The following SLC23A2 variants were observed in gnomAD, a reference collection of about 807,000 sequenced individuals.
SLC23A2 encodes Na(+)/L-ascorbic acid transporter 2.
A neutral mutation model predicts 73.3 loss-of-function variants in SLC23A2; 36 were observed. The observed-to-expected ratio is 0.49, with a 90% CI of 0.38 to 0.65. The LOEUF is 0.65. Ranked by LOEUF, SLC23A2 falls within the 30% of genes least tolerant of loss-of-function variation. The pLI, the probability that SLC23A2 is intolerant of heterozygous loss-of-function variation, is 0.00. For missense variants in SLC23A2, 507 were observed against 841.6 expected (o/e 0.60, Z 4.92); for synonymous variants, 343 against 327.3 (o/e 1.05, Z -0.52).
intron 6 of SLC23A2, among the ~76,000 whole-genome samples, chr20:4,897,813 G>A (rs151054102): frequency 3.3e-5 from 5 of 152,244 alleles, no homozygotes; most frequent in Admixed American, 6.5e-5. Flanking sequence ...AGCTGCACAC[G>A]GTACACACTT....
Position 4,926,186 on chromosome 20 carries a change from G to A in SLC23A2, c.108+6269C>T, listed in dbSNP as rs376767427. On this transcript the variant is annotated intron_variant, in intron 3 of 16. Coordinates refer to ENST00000338244, the MANE Select transcript of SLC23A2 (RefSeq NM_005116.6). ...AAGACTAAACCTCATAAAGTTACTC[G>A]TCGGTCCATGCCGCTAATATCTCCA... 1.3e-4 allele frequency among the ~76,000 whole-genome samples: 19 copies of A among 150,532 alleles called. No homozygotes were observed. The East Asian group carries it at 1.3e-3, about 11-fold the overall frequency.
intron 2 of SLC23A2, among the ~76,000 whole-genome samples, chr20:4,953,341 AG>A (rs2087232994): frequency 6.6e-6 from 1 of 152,050 alleles, no homozygotes; most frequent in African/African-American, 2.4e-5. Context: ...AAATAAAAAA[AG>A]AAATGTAATT....
chr20:4,999,435 C>T (rs1368958028), intron 1 of SLC23A2, among the ~76,000 whole-genome samples: 2 of 152,146 alleles, frequency 1.3e-5, no homozygotes, highest in Non-Finnish European at 2.9e-5. Flanking sequence ...TTCTGCAATG[C>T]TACATAGACT....
chr20:4,912,295 C>T (rs1481408332), intron 4 of SLC23A2, among the ~76,000 whole-genome samples: 2 of 152,024 alleles, frequency 1.3e-5, no homozygotes, highest in African/African-American at 2.4e-5. Context: ...TCCATTGGCA[C>T]ACTAAGGTGC....
intron 5 of SLC23A2, among the ~76,000 whole-genome samples, chr20:4,900,815 CCT>C (rs1223671242): frequency 3.9e-5 from 6 of 152,298 alleles, no homozygotes; most frequent in African/African-American, 1.4e-4. Context: ...CCTCCCTTCC[CCT>C]GTTGACCAGT....
rs149699301 is a variant in SLC23A2, at chr20:4,915,357, A to G, written c.109-2379T>C. ...CTTTTTTAAAAATGGATAATTTAAAAAAAAAGACATACTCCAAAATGCTAA... is the reference window on the plus strand; with the variant it reads ...CTTTTTTAAAAATGGATAATTTAAAGAAAAAGACATACTCCAAAATGCTAA... On this transcript the variant is annotated intron_variant, in intron 3 of 16. Transcript: ENST00000338244. 8.7e-3 allele frequency among the ~76,000 whole-genome samples: 1,329 copies of G among 152,334 alleles called. 16 individuals carry two copies. Among genetic ancestry groups the G allele is most frequent in the African/African-American group, 0.03 (1,231 of 41,576 alleles).
intron 1 of SLC23A2, among the ~76,000 whole-genome samples, chr20:4,987,137 A>G (rs1249376252): frequency 2.6e-5 from 4 of 152,138 alleles, no homozygotes; most frequent in Admixed American, 2.6e-4. Flanking sequence ...GCAAGTGCAA[A>G]AAGAACTCAA....
intron 2 of SLC23A2, among the ~76,000 whole-genome samples, chr20:4,943,918 CACGAG>C (rs2087080161): frequency 6.6e-6 from 1 of 152,090 alleles, no homozygotes; most frequent in Non-Finnish European, 1.5e-5. Context: ...AGCAGCCAGA[CACGAG>C]ACATGCAGTC....
At chr20:4,982,494 G>A (rs928080159) in intron 1 of SLC23A2, among the ~76,000 whole-genome samples, 1 of 151,978 alleles carries the variant, frequency 6.6e-6, no homozygotes, top group African/African-American at 2.4e-5. Flanking sequence ...CTGCCTTTTT[G>A]GCAAAAATTG....
At position 4,853,469 on chromosome 20, in the gene SLC23A2, T is replaced by C. The variant is rs1929600186; in HGVS notation, c.*3503A>G. The C allele has an allele frequency of 6.6e-6, 1 of 152,612 alleles. No homozygotes were observed. Among genetic ancestry groups the C allele is most frequent in the Non-Finnish European group, 1.5e-5 (1 of 68,030 alleles). 9.5% of individuals were successfully genotyped at this position (152,612 alleles called of 1,614,324 possible). A position where few individuals can be genotyped will look rare whatever the true frequency, so the allele number is the denominator to read the frequency against. ...ATGAAAGAAATAACAACTTAGCTCATGGTCATAAAATATACGTATGGGTAA... is the reference window on the plus strand; with the variant it reads ...ATGAAAGAAATAACAACTTAGCTCACGGTCATAAAATATACGTATGGGTAA... On this transcript the variant is annotated 3_prime_UTR_variant, in exon 17 of 17. Coordinates refer to ENST00000338244, the MANE Select transcript of SLC23A2 (RefSeq NM_005116.6).
In SLC23A2 at chr20:4,879,574, T is replaced by G. The variant is rs1326335090; in HGVS notation, c.824+4068A>C. Among the ~76,000 whole-genome samples the G allele has an allele frequency of 2.0e-5, 3 of 151,830 alleles. No homozygotes were observed. In the East Asian group the frequency reaches 5.8e-4, roughly 29 times the overall value. ...ATCTACCCTGTAGTCCCAGGTACTC[T>G]TGGGAGGCTGACGAATGAGAATCGC... On this transcript the variant is annotated intron_variant, in intron 9 of 16. Transcript: ENST00000338244.
At chr20:4,884,016 A>C (rs1357458091) in intron 8 of SLC23A2, among the ~76,000 whole-genome samples, 193 bp from the exon 9 acceptor site, 2 of 152,220 alleles carry the variant, frequency 1.3e-5, no homozygotes, top group Admixed American at 1.3e-4. Context: ...GCCTGCATTC[A>C]TGATGCAGGT....
At chr20:4,958,371 G>C (rs559882171) in intron 2 of SLC23A2, among the ~76,000 whole-genome samples, 1 of 152,276 alleles carries the variant, frequency 6.6e-6, no homozygotes, top group South Asian at 2.1e-4. Context: ...AGAGGGGAGG[G>C]GGAGAAATCA....
intron 1 of SLC23A2, among the ~76,000 whole-genome samples, chr20:4,993,846 C>G (rs2087971714): frequency 6.6e-6 from 1 of 152,098 alleles, no homozygotes; most frequent in Non-Finnish European, 1.5e-5. Context: ...CTTTAGGAGG[C>G]TTGAGCTCAA....
chr20:4,865,944 T>C (rs1930177172), intron 13 of SLC23A2, among the ~76,000 whole-genome samples: 1 of 152,194 alleles, frequency 6.6e-6, no homozygotes, highest in South Asian at 2.1e-4. Context: ...GTGACTCTCC[T>C]GCCTCAGCTT....
chr20:4,863,307 T>C lies in SLC23A2; in HGVS notation c.1357-400A>G, dbSNP rs1025565374. ...GGAAATCAGACCAAACCCCCAGACATGTCTGGAACCTCCTCTCCTCACGGC... is the reference window on the plus strand; with the variant it reads ...GGAAATCAGACCAAACCCCCAGACACGTCTGGAACCTCCTCTCCTCACGGC... On this transcript the variant is annotated intron_variant, in intron 13 of 16. Coordinates refer to ENST00000338244, the MANE Select transcript of SLC23A2 (RefSeq NM_005116.6). The surrounding 1 kb of genome is among the most constrained non-coding windows in gnomAD (Gnocchi z 4.8). Among the ~76,000 whole-genome samples the C allele has an allele frequency of 7.2e-5, 11 of 152,102 alleles. No individual in the cohort carries two copies. Among genetic ancestry groups the C allele is most frequent in the African/African-American group, 2.4e-4 (10 of 41,408 alleles).
At chr20:4,997,408 T>C (rs751331697) in intron 1 of SLC23A2, among the ~76,000 whole-genome samples, 2 of 151,460 alleles carry the variant, frequency 1.3e-5, no homozygotes, top group Non-Finnish European at 2.9e-5. Flanking sequence ...CCCCTCAGAA[T>C]GATCCTTCTC....
rs968035655 is a variant in SLC23A2 at position 4,854,750 on chromosome 20, C to T, written c.*2222G>A. 14 of 152,208 alleles carry T rather than the reference C, an allele frequency of 9.2e-5. No individual in the cohort carries two copies. The highest frequency in any genetic ancestry group is 2.4e-5 in the African/African-American group (1 of 41,436). The allele number at this position is 152,208 out of a possible 1,614,324, so 9.4% of individuals were successfully genotyped here. A position where few individuals can be genotyped will look rare whatever the true frequency, so the allele number is the denominator to read the frequency against. On this transcript the variant is annotated 3_prime_UTR_variant, in exon 17 of 17. Transcript: ENST00000338244. ...TGGGTTTCTGGATGACTAGAGCAGA[C>T]ACCTTGAGTGTTATGCAGCGGAAGA... is the stretch of plus-strand genomic sequence containing the variant.
At chr20:4,946,465 G>T (rs1441865815) in intron 2 of SLC23A2, among the ~76,000 whole-genome samples, 1 of 152,206 alleles carries the variant, frequency 6.6e-6, no homozygotes, top group South Asian at 2.1e-4. Flanking sequence ...CATCCATGGG[G>T]TGAGTTGGGT....
Sources: allele counts gnomAD v4.1 joint callset (sites outside exome capture counted in the v4.1 genomes callset), GRCh38; gene constraint gnomAD v4.1.1; non-coding constraint Gnocchi (gnomAD v3.1); transcripts MANE v1.5; gene names NCBI Gene and HGNC (gene_info 2026-07-23, HGNC 2026-07-21).